The following HIF3A variants were observed in gnomAD, a reference collection of about 807,000 sequenced individuals.
HIF3A encodes the protein hypoxia inducible factor 3 subunit alpha.
Under a neutral mutation model 67.2 loss-of-function variants are expected in HIF3A, and 41 were observed. The observed-to-expected ratio is 0.61, with a 90% CI of 0.48 to 0.79. HIF3A has a LOEUF of 0.79. Ranked by LOEUF, HIF3A falls within the 30% of genes least tolerant of loss-of-function variation. The probability of loss-of-function intolerance (pLI) is 0.00; values close to 1 mark genes in which losing one functional copy is unlikely to be tolerated. For missense variants in HIF3A, 855 were observed against 898.0 expected, an observed-to-expected ratio of 0.95 and a Z score of 0.61; for synonymous variants, 356 against 374.8, an observed-to-expected ratio of 0.95 and a Z score of 0.58.
intron 13 of HIF3A, among the ~76,000 whole-genome samples, chr19:46,333,719 G>A (rs898465236): frequency 4.0e-5 from 6 of 149,200 alleles, no homozygotes; most frequent in African/African-American, 1.5e-4. Flanking sequence ...TCTTGTCTTT[G>A]GATATATATT....
chr19:46,318,769 T>C (rs919765216), intron 8 of HIF3A, among the ~76,000 whole-genome samples: 3 of 151,714 alleles, frequency 2.0e-5, no homozygotes, highest in African/African-American at 7.3e-5. Context: ...TACAGGCGCA[T>C]GCCACCACAC....
chr19:46,318,351 A>C (rs2147212492), intron 8 of HIF3A, among the ~76,000 whole-genome samples: 1 of 151,964 alleles, frequency 6.6e-6, no homozygotes, highest in Middle Eastern at 3.4e-3. Context: ...GGAGTTTGAG[A>C]ATAGTCTTGG....
intron 11 of HIF3A, 171 bp from the exon 12 acceptor site, chr19:46,329,036 T>G: frequency 1.8e-6 from 1 of 551,282 alleles, no homozygotes; most frequent in Non-Finnish European, 3.1e-6. Context: ...CAGTTTAGGA[T>G]TTCTCTAACA....
intron 13 of HIF3A, among the ~76,000 whole-genome samples, chr19:46,334,577 G>A (rs1313443982): frequency 6.6e-6 from 1 of 151,816 alleles, no homozygotes; most frequent in Non-Finnish European, 1.5e-5. Flanking sequence ...TTAGAGATAG[G>A]ATCTCTGTCA....
chr19:46,331,381 A>G (rs749294634), intron 13 of HIF3A, 108 bp downstream of exon 13: 2 of 835,474 alleles, frequency 2.4e-6, no homozygotes, highest in Non-Finnish European at 4.0e-6. Context: ...GTTGAGGGTC[A>G]TACAGAAAGT....
chr19:46,298,554 C>T (rs1207349302), intron 1 of HIF3A: 9 of 1,234,188 alleles, frequency 7.3e-6, no homozygotes, highest in African/African-American at 3.1e-5. Context: ...CCTTCCCTTC[C>T]TCTAGCTGGG....
Position 46,303,956 on chromosome 19 carries a change from C to CAGG in HIF3A, c.88_90dup (p.Glu30dup). Reference sequence around the variant, plus strand: ...GGATGCGGCCCGCAGCCGGCGCAGCCAGGAGACCGAGGTGCTGTACCAGCT... The same window carrying CAGG: ...GGATGCGGCCCGCAGCCGGCGCAGCCAGGAGGAGACCGAGGTGCTGTACCAGCT... On this transcript the variant is annotated inframe_insertion, in exon 2 of 15. Coordinates refer to ENST00000377670, the MANE Select transcript of HIF3A (RefSeq NM_152795.4). The CAGG allele has an allele frequency of 6.2e-7, 1 of 1,606,210 alleles. No individual in the cohort carries two copies. Among genetic ancestry groups the CAGG allele is most frequent in the Non-Finnish European group, 8.5e-7 (1 of 1,176,958 alleles).
chr19:46,327,642 C>T (rs1970886602), intron 11 of HIF3A, among the ~76,000 whole-genome samples: 1 of 152,134 alleles, frequency 6.6e-6, no homozygotes, highest in Non-Finnish European at 1.5e-5. Context: ...AGACTTCTGA[C>T]ATCAGACACA....
At chr19:46,301,259 G>T (rs1409048231) in intron 1 of HIF3A, among the ~76,000 whole-genome samples, 1 of 152,084 alleles carries the variant, frequency 6.6e-6, no homozygotes, top group African/African-American at 2.4e-5. Flanking sequence ...CCCTTGCCCT[G>T]GGGGGTGGGG....
intron 10 of HIF3A, among the ~76,000 whole-genome samples, chr19:46,322,518 C>A (rs112204913): frequency 0.048 from 7,307 of 152,256 alleles, 218 homozygotes; most frequent in Middle Eastern, 0.078. Context: ...CGGCTCACTG[C>A]AACCTCCACC....
chr19:46,334,755 C>G, intron 13 of HIF3A, 150 bp from the exon 14 acceptor site: 1 of 550,316 alleles, frequency 1.8e-6, no homozygotes, highest in Non-Finnish European at 3.2e-6. Flanking sequence ...CTATCTTGCC[C>G]AGGCTGGTCT....
At chr19:46,322,831 G>A (rs143831787) in intron 10 of HIF3A, among the ~76,000 whole-genome samples, 12 of 152,250 alleles carry the variant, frequency 7.9e-5, no homozygotes, top group African/African-American at 2.2e-4. Flanking sequence ...GATATTGCAC[G>A]GATACGGATG....
chr19:46,318,739 A>G (rs548319019), intron 8 of HIF3A, among the ~76,000 whole-genome samples: 2 of 151,322 alleles, frequency 1.3e-5, no homozygotes, highest in South Asian at 4.2e-4. Context: ...TCCTGCCTCA[A>G]CCTCCTGAGT....
At position 46,329,489 on chromosome 19, in the gene HIF3A, G is replaced by A. The variant is rs762618702; in HGVS notation, c.1712+11G>A. ...TGGGGCTCGGAAGAGGTGAGCCACA[G>A]TAAAGGGGGGACATCAAGGCAGCAT... On this transcript the variant is annotated intron_variant, in intron 12 of 14. Coordinates refer to ENST00000377670, the MANE Select transcript of HIF3A (RefSeq NM_152795.4). 1 of 1,498,982 alleles carries A rather than the reference G, an allele frequency of 6.7e-7. No individual in the cohort carries two copies. 92.9% of individuals were successfully genotyped at this position (1,498,982 alleles called of 1,614,324 possible).
rs1967970714 is a variant in HIF3A at position 46,297,730 on chromosome 19, G to A, written c.26+628G>A. On this transcript the variant is annotated intron_variant, in intron 1 of 14. Transcript: ENST00000377670. This position sits in a 1 kb window ranked among gnomAD's most constrained non-coding sequence, Gnocchi z 4.5. ...AGAAGCCGTCTGGGACCCTTCCCAA[G>A]AGACTTTTTGTATCCTTTCAAAAGC... 6.6e-6 allele frequency among the ~76,000 whole-genome samples: 1 copy of A among 152,054 alleles called. No homozygotes were observed. Among genetic ancestry groups the A allele is most frequent in the Non-Finnish European group, 1.5e-5 (1 of 67,988 alleles).
At position 46,329,391 on chromosome 19, in the gene HIF3A, G is replaced by A. The variant is rs373457121; in HGVS notation, c.1625G>A (p.Arg542His). The change falls in exon 12 of 15, where the codon CGC (arginine) becomes CAC (histidine). Residue 542 changes from arginine (R) to histidine (H), a missense_variant. Coordinates refer to ENST00000377670, the MANE Select transcript of HIF3A (RefSeq NM_152795.4). ...GCCCTTGAGCCCTCCCTGCTACCCC[G>A]CTGGGGGAGTGACCCCCGGCTGAGC... ...PPALEPSLLP[R>H]WGSDPRLSCS... 50 of 1,608,812 alleles carry A rather than the reference G, an allele frequency of 3.1e-5. 1 individual carries two copies. The highest frequency in any genetic ancestry group is 1.3e-4 in the East Asian group (6 of 44,710).
chr19:46,324,242 A>G lies in HIF3A; in HGVS notation c.1336-1293A>G, dbSNP rs187867933. Among the ~76,000 whole-genome samples, 138 of 152,344 alleles carry G rather than the reference A, an allele frequency of 9.1e-4. 3 individuals are homozygous for G. The highest frequency in any genetic ancestry group is 1.6e-4 in the Non-Finnish European group (11 of 68,030). ...ATAACATGTCACCACATCATTGGTTATTCTGAGCATTAAGTGACAGTATTC... is the reference window on the plus strand; with the variant it reads ...ATAACATGTCACCACATCATTGGTTGTTCTGAGCATTAAGTGACAGTATTC... On this transcript the variant is annotated intron_variant, in intron 10 of 14. Coordinates refer to ENST00000377670, the MANE Select transcript of HIF3A (RefSeq NM_152795.4).
chr19:46,338,566 A>G, intron 14 of HIF3A: 1 of 1,102,708 alleles, frequency 9.1e-7, no homozygotes, highest in Middle Eastern at 4.2e-4. Flanking sequence ...CTGGTTTCCC[A>G]AGTAACAACA....
intron 3 of HIF3A, 89 bp from the exon 4 acceptor site, chr19:46,308,132 G>C: frequency 1.2e-6 from 1 of 852,818 alleles, no homozygotes; most frequent in South Asian, 1.3e-5. Context: ...AATCATCCAG[G>C]CTCATGAATT....
Sources: gnomAD v4.1 joint callset for allele counts (sites outside exome capture counted in the v4.1 genomes callset) on GRCh38, gnomAD v4.1.1 for gene constraint, Gnocchi (gnomAD v3.1) non-coding constraint, MANE v1.5 for transcripts, NCBI Gene and HGNC (gene_info 2026-07-23, HGNC 2026-07-21) for gene names.